DLGAP2: variants seen among roughly 807,000 people sequenced by gnomAD.
The protein encoded by DLGAP2 is disks large-associated protein 2.
DLGAP2 carries 26 observed loss-of-function variants against 100.3 expected under a neutral mutation model. That is an observed-to-expected ratio of 0.26 (90% confidence interval 0.19 to 0.36). DLGAP2 has a LOEUF of 0.36. DLGAP2 is among the 10% of genes least tolerant of loss of function. DLGAP2 has a pLI of 1.00. For missense variants in DLGAP2, 1,858 were observed against 1,453.2 expected (o/e 1.28, Z -4.53); for synonymous variants, 886 against 630.1 (o/e 1.41, Z -6.08).
chr8:784,565 GTATT>G (rs1320113499), intron 1 of DLGAP2, among the ~76,000 whole-genome samples: 1 of 152,222 alleles, frequency 6.6e-6, no homozygotes, highest in Admixed American at 6.5e-5. Context: ...GTGGATTGTG[GTATT>G]TAGTTAGATT....
intron 2 of DLGAP2, among the ~76,000 whole-genome samples, chr8:1,048,085 G>A (rs1381453074): frequency 1.3e-5 from 2 of 152,110 alleles, no homozygotes; most frequent in Non-Finnish European, 2.9e-5. Context: ...CCGAATTTCC[G>A]CTGGAAAGTA....
chr8:1,099,028 T>C (rs1804493881), intron 2 of DLGAP2, among the ~76,000 whole-genome samples: 1 of 152,208 alleles, frequency 6.6e-6, no homozygotes, highest in Admixed American at 6.5e-5. Context: ...CTCACTCCTC[T>C]GGGGCTAGTG....
intron 2 of DLGAP2, among the ~76,000 whole-genome samples, chr8:1,197,282 G>A (rs1290986242): frequency 6.6e-6 from 1 of 152,188 alleles, no homozygotes; most frequent in Non-Finnish European, 1.5e-5. Flanking sequence ...CCAGTTACCT[G>A]GCTATCACTT....
chr8:1,554,298 A>C (rs1801881587), intron 5 of DLGAP2, among the ~76,000 whole-genome samples: 1 of 107,516 alleles, frequency 9.3e-6, no homozygotes, highest in African/African-American at 5.9e-5. Context: ...TAAATAAATA[A>C]ATTAATTAAA....
At chr8:796,761 C>T (rs1332380879) in intron 1 of DLGAP2, among the ~76,000 whole-genome samples, 1 of 152,198 alleles carries the variant, frequency 6.6e-6, no homozygotes, top group African/African-American at 2.4e-5. Context: ...CCCATGCCCG[C>T]ACTATAACAT....
At chr8:786,807 G>GTT (rs76173780) in intron 1 of DLGAP2, among the ~76,000 whole-genome samples, 1 of 145,760 alleles carries the variant, frequency 6.9e-6, no homozygotes, top group African/African-American at 2.5e-5. Flanking sequence ...CTTGTCTTCC[G>GTT]TTTTTTTTTT....
intron 1 of DLGAP2, among the ~76,000 whole-genome samples, chr8:847,095 A>G (rs1462505594): frequency 2.0e-5 from 3 of 152,232 alleles, no homozygotes; most frequent in Non-Finnish European, 4.4e-5. Flanking sequence ...TTGCCATTAA[A>G]AACACATGGG....
chr8:1,517,685 C>T (rs1183644724), intron 4 of DLGAP2, among the ~76,000 whole-genome samples: 1 of 152,242 alleles, frequency 6.6e-6, no homozygotes, highest in Admixed American at 6.5e-5. Context: ...TAGGAGAGCC[C>T]TGCCTGTGGC....
intron 2 of DLGAP2, among the ~76,000 whole-genome samples, chr8:916,873 G>C (rs1376403691): frequency 6.6e-6 from 1 of 152,160 alleles, no homozygotes; most frequent in African/African-American, 2.4e-5. Context: ...CTCCTAGAGA[G>C]CTGCGTTGAG....
In DLGAP2 at chr8:1,560,999, A is replaced by G. The variant is rs143588208; in HGVS notation, c.1231-4684A>G. Among the ~76,000 whole-genome samples the G allele has an allele frequency of 3.3e-3, 500 of 152,272 alleles. 4 individuals carry two copies. Among genetic ancestry groups the G allele is most frequent in the African/African-American group, 0.011 (469 of 41,566 alleles). On this transcript the variant is annotated intron_variant, in intron 5 of 14. Transcript: ENST00000637795. ...AATCTCGTTTTGCCTGGCAGCTCCC[A>G]TAATCCTCATGTGTCATGAGAGGGA...
At chr8:755,784 G>A (rs1009480556) in intron 1 of DLGAP2, among the ~76,000 whole-genome samples, 1 of 152,358 alleles carries the variant, frequency 6.6e-6, no homozygotes, top group East Asian at 1.9e-4. Context: ...ATGCCCCCAG[G>A]TGTGCTTTTG....
intron 2 of DLGAP2, among the ~76,000 whole-genome samples, chr8:1,142,539 G>T (rs901327376): frequency 6.6e-6 from 1 of 152,186 alleles, no homozygotes; most frequent in Non-Finnish European, 1.5e-5. Context: ...GCCATAAGAA[G>T]ATAAAACATG....
At chr8:908,484 T>A (rs1397680596) in intron 2 of DLGAP2, among the ~76,000 whole-genome samples, 1 of 152,190 alleles carries the variant, frequency 6.6e-6, no homozygotes, top group African/African-American at 2.4e-5. Flanking sequence ...CATCTCTGTG[T>A]AATTTCTCAT....
chr8:1,583,649 C>A (rs6994917), intron 6 of DLGAP2, among the ~76,000 whole-genome samples: 6 of 152,030 alleles, frequency 3.9e-5, no homozygotes, highest in South Asian at 2.1e-4. Context: ...ACGTTTTTGC[C>A]TTTCCTGATG....
At chr8:1,215,048 C>T (rs556609144) in intron 2 of DLGAP2, among the ~76,000 whole-genome samples, 1 of 152,078 alleles carries the variant, frequency 6.6e-6, no homozygotes, top group African/African-American at 2.4e-5. Flanking sequence ...AGTATAAGAA[C>T]ACAAAAGGGA....
At position 1,549,525 on chromosome 8, in the gene DLGAP2, G is replaced by C. The variant is rs1801687201; in HGVS notation, c.1072G>C (p.Ala358Pro). Residue 358 changes from alanine (A) to proline (P), a missense_variant, in exon 5 of 15, where the codon GCG becomes CCG. Transcript: ENST00000637795. ...CAAGTGCTCGGCCTGTGAGGGGTTG[G>C]CGCTGACGCCCGACGCCAAGTACCT... Reference protein sequence around the residue: ...DVKCSACEGLALTPDAKYLKR... With the variant: ...DVKCSACEGLPLTPDAKYLKR... 1 of 1,613,392 alleles carries C rather than the reference G, an allele frequency of 6.2e-7. No homozygotes were observed. The highest frequency in any genetic ancestry group is 8.5e-7 in the Non-Finnish European group (1 of 1,179,844).
chr8:1,057,364 G>A (rs2129034248), intron 2 of DLGAP2, among the ~76,000 whole-genome samples: 1 of 152,312 alleles, frequency 6.6e-6, no homozygotes, highest in South Asian at 2.1e-4. Flanking sequence ...ATTACATACA[G>A]TTCATGTTAA....
intron 8 of DLGAP2, among the ~76,000 whole-genome samples, chr8:1,651,820 A>G (rs1798172102): frequency 6.6e-6 from 1 of 152,210 alleles, no homozygotes; most frequent in African/African-American, 2.4e-5. Flanking sequence ...GAAAAGTTAA[A>G]AAAAAACGAA....
intron 2 of DLGAP2, among the ~76,000 whole-genome samples, chr8:1,116,295 C>A (rs948650229): frequency 1.3e-5 from 2 of 152,200 alleles, no homozygotes; most frequent in African/African-American, 4.8e-5. Flanking sequence ...CGACCACCCT[C>A]CAAAGCACCA....
Sources: allele counts gnomAD v4.1 joint callset (sites outside exome capture counted in the v4.1 genomes callset), GRCh38; gene constraint gnomAD v4.1.1; transcripts MANE v1.5; gene names NCBI Gene and HGNC (gene_info 2026-07-23, HGNC 2026-07-21).